DAB2IP: variants seen among roughly 807,000 people sequenced by gnomAD.
DAB2IP encodes the protein disabled homolog 2-interacting protein.
DAB2IP carries 28 observed loss-of-function variants against 107.2 expected under a neutral mutation model. The ratio of observed to expected loss-of-function variants is 0.26; its 90% CI spans 0.19 to 0.36. The LOEUF (loss-of-function observed/expected upper bound fraction) is 0.36. DAB2IP is among the 10% of genes least tolerant of loss of function. The pLI is 1.00. For synonymous variants in DAB2IP, 755 were observed against 706.4 expected, an observed-to-expected ratio of 1.07 and a Z score of -1.09; for missense variants, 1,400 against 1,644.7, an observed-to-expected ratio of 0.85 and a Z score of 2.57.
chr9:121,729,871 A>G (rs1307565064), intron 3 of DAB2IP, among the ~76,000 whole-genome samples: 1 of 152,152 alleles, frequency 6.6e-6, no homozygotes, highest in Non-Finnish European at 1.5e-5. Context: ...CTATATTCCT[A>G]TAGGGCAAAT....
chr9:121,743,785 A>T (rs1376608738), intron 3 of DAB2IP, among the ~76,000 whole-genome samples: 1 of 152,216 alleles, frequency 6.6e-6, no homozygotes, highest in Non-Finnish European at 1.5e-5. Flanking sequence ...CCCAGAGCCC[A>T]GGGAGACCTG....
intron 1 of DAB2IP, among the ~76,000 whole-genome samples, chr9:121,597,395 C>G (rs953648869): frequency 5.9e-5 from 9 of 152,144 alleles, no homozygotes; most frequent in Non-Finnish European, 1.0e-4. Context: ...CCTGCAGGGC[C>G]ATCTCTGCTA....
At chr9:121,783,245 C>A in exon 16 of DAB2IP, 1 of 1,298,706 alleles carries the variant, frequency 7.7e-7, no homozygotes, top group Non-Finnish European at 9.8e-7. Context: ...GCTCTTGTCC[C>A]TGTGGGGAGG....
In DAB2IP at chr9:121,606,834, G is replaced by A. The variant is rs34841042; in HGVS notation, c.40+39606G>A. Among the ~76,000 whole-genome samples, 5 of 151,198 alleles carry A rather than the reference G, an allele frequency of 3.3e-5. No individual in the cohort carries two copies. The South Asian group carries it at 1.1e-3, about 32-fold the overall frequency. Reference sequence around the variant, plus strand: ...CTGTTGCCCAGGCTGGAGTGCAGTAGCGTGATCTCAGCTCACTGCAACCTC... The same window carrying A: ...CTGTTGCCCAGGCTGGAGTGCAGTAACGTGATCTCAGCTCACTGCAACCTC... On this transcript the variant is annotated intron_variant, in intron 1 of 16. Transcript: ENST00000259371.
exon 16 of DAB2IP, chr9:121,783,081 C>T (rs1348812206): frequency 9.6e-7 from 1 of 1,037,274 alleles, no homozygotes; most frequent in Non-Finnish European, 1.2e-6. Flanking sequence ...CCACTGCATG[C>T]AGCCTGTTGG....
chr9:121,667,128 A>G (rs977822852), intron 1 of DAB2IP, among the ~76,000 whole-genome samples: 7 of 152,232 alleles, frequency 4.6e-5, no homozygotes, highest in Admixed American at 4.6e-4. Context: ...TTCCTGCCTC[A>G]GCCTCCTGAG....
chr9:121,724,153 C>T (rs557609321), intron 3 of DAB2IP, among the ~76,000 whole-genome samples: 27 of 152,198 alleles, frequency 1.8e-4, no homozygotes, highest in Non-Finnish European at 2.9e-4. Flanking sequence ...CCCACTGGAC[C>T]CTGCACCGAG....
chr9:121,782,719 G>T lies in DAB2IP; in HGVS notation c.*221G>T. 1 of 1,406,578 alleles carries T rather than the reference G, an allele frequency of 7.1e-7. No individual in the cohort carries two copies. Among genetic ancestry groups the T allele is most frequent in the Non-Finnish European group, 9.2e-7 (1 of 1,082,370 alleles). The allele number at this position is 1,406,578 out of a possible 1,614,324, so 87.1% of individuals were successfully genotyped here. ...ACCAGCCGCTCCCTGTGGGGTGCGGGCAGAAGAGACTGCACGCTGGGGAGT... is the reference window on the plus strand; with the variant it reads ...ACCAGCCGCTCCCTGTGGGGTGCGGTCAGAAGAGACTGCACGCTGGGGAGT... On this transcript the variant is annotated 3_prime_UTR_variant, in exon 16 of 16. Transcript: ENST00000408936. The surrounding 1 kb of genome is among the most constrained non-coding windows in gnomAD (Gnocchi z 6.1).
At chr9:121,733,822 A>G (rs1433677586) in intron 3 of DAB2IP, among the ~76,000 whole-genome samples, 1 of 152,216 alleles carries the variant, frequency 6.6e-6, no homozygotes, top group African/African-American at 2.4e-5. Flanking sequence ...ACTGTGAGAA[A>G]GGCGGGGCAT....
Position 121,699,494 on chromosome 9 carries a change from C to T in DAB2IP, c.362+36C>T. On this transcript the variant is annotated intron_variant, in intron 3 of 15. Transcript: ENST00000408936. The surrounding 1 kb of genome is among the most constrained non-coding windows in gnomAD (Gnocchi z 6.2). ...CGCCGCCGCCCGGTCCCCCGCGCCG[C>T]CGCCCCGGGCTGCGCCCCTGAGGAC... is the stretch of plus-strand genomic sequence containing the variant. The T allele has an allele frequency of 7.2e-6, 9 of 1,247,004 alleles. No individual in the cohort carries two copies. Among genetic ancestry groups the T allele is most frequent in the Non-Finnish European group, 9.1e-6 (9 of 993,272 alleles). The allele number at this position is 1,247,004 out of a possible 1,614,324, so 77.2% of individuals were successfully genotyped here. A position where few individuals can be genotyped will look rare whatever the true frequency, so the allele number is the denominator to read the frequency against.
chr9:121,621,688 T>C (rs1158356290), intron 1 of DAB2IP, among the ~76,000 whole-genome samples: 2 of 147,254 alleles, frequency 1.4e-5, no homozygotes, highest in Non-Finnish European at 3.0e-5. Context: ...CAGGCTGGAG[T>C]GCAATGACAC....
chr9:121,733,548 A>G (rs1459741555), intron 3 of DAB2IP, among the ~76,000 whole-genome samples: 1 of 152,200 alleles, frequency 6.6e-6, no homozygotes, highest in African/African-American at 2.4e-5. Context: ...GTGTTTCTCC[A>G]TCACTCACGT....
chr9:121,629,056 A>G (rs924811955), intron 1 of DAB2IP, among the ~76,000 whole-genome samples: 2 of 152,164 alleles, frequency 1.3e-5, no homozygotes, highest in African/African-American at 4.8e-5. Context: ...AGAGTTGGCC[A>G]TGGTGTCTGG....
rs534370177 is a variant in DAB2IP at position 121,760,586 on chromosome 9, A to G, written c.1170+147A>G. 84 of 1,010,636 alleles carry G rather than the reference A, an allele frequency of 8.3e-5. No homozygotes were observed. The highest frequency in any genetic ancestry group is 6.7e-4 in the African/African-American group (41 of 61,506). The allele number at this position is 1,010,636 out of a possible 1,614,324, so 62.6% of individuals were successfully genotyped here. A position where few individuals can be genotyped will look rare whatever the true frequency, so the allele number is the denominator to read the frequency against. ...AGGGCTCCCTAAACCCAAAAGTTCT[A>G]TCGTGGGCTGGGGGTTTTGTACTCC... is the stretch of plus-strand genomic sequence containing the variant. On this transcript the variant is annotated intron_variant, in intron 6 of 15. Coordinates refer to ENST00000408936, the Ensembl canonical transcript of DAB2IP. This position sits in a 1 kb window ranked among gnomAD's most constrained non-coding sequence, Gnocchi z 5.9.
chr9:121,757,179 A>T lies in DAB2IP; in HGVS notation c.516+13A>T, dbSNP rs1453780997. 1.2e-6 allele frequency: 2 copies of T among 1,612,746 alleles called. No individual in the cohort carries two copies. The highest frequency in any genetic ancestry group is 2.2e-5 in the South Asian group (2 of 90,988). ...CTACTGCTTCGAGGTGGGTCCCATC[A>T]CAGGGGTTGGGGTGGACACCCCATC... On this transcript the variant is annotated intron_variant, in intron 4 of 15. Transcript: ENST00000408936.
At chr9:121,573,128 G>A (rs1829987111) in intron 1 of DAB2IP, among the ~76,000 whole-genome samples, 1 of 152,128 alleles carries the variant, frequency 6.6e-6, no homozygotes, top group African/African-American at 2.4e-5. Flanking sequence ...CCAGGCTGGA[G>A]TGCAATGGCG....
chr9:121,584,952 A>C (rs1327471127), intron 1 of DAB2IP, among the ~76,000 whole-genome samples: 1 of 152,130 alleles, frequency 6.6e-6, no homozygotes, highest in Non-Finnish European at 1.5e-5. Context: ...GGAGTGCAGT[A>C]GCTATTCACA....
At chr9:121,766,845 T>G (rs1223259194) in intron 9 of DAB2IP, 115 bp downstream of exon 9, 1 of 1,052,920 alleles carries the variant, frequency 9.5e-7, no homozygotes, top group Non-Finnish European at 1.4e-6. Context: ...GCCCTGGTTT[T>G]GTCCCTGTCA....
At position 121,780,518 on chromosome 9, in the gene DAB2IP, A is replaced by G. The variant is rs865868509; in HGVS notation, c.3315-946A>G. ...GGCTGGAGGAATCAAGAGGGCAGGGATGGAGAGAAGCCTTGGGAGTGGAGG... is the reference window on the plus strand; with the variant it reads ...GGCTGGAGGAATCAAGAGGGCAGGGGTGGAGAGAAGCCTTGGGAGTGGAGG... On this transcript the variant is annotated intron_variant, in intron 14 of 15. Transcript: ENST00000408936. 6.6e-5 allele frequency among the ~76,000 whole-genome samples: 10 copies of G among 152,254 alleles called. No homozygotes were observed. The South Asian group carries it at 2.1e-3, about 32-fold the overall frequency.
Sources: allele counts gnomAD v4.1 joint callset (sites outside exome capture counted in the v4.1 genomes callset), GRCh38; gene constraint gnomAD v4.1.1; non-coding constraint Gnocchi (gnomAD v3.1); transcripts MANE v1.5; gene names NCBI Gene and HGNC (gene_info 2026-07-23, HGNC 2026-07-21).